The following PDE1C variants were observed in gnomAD, a reference collection of about 807,000 sequenced individuals.
The protein encoded by PDE1C is dual specificity calcium/calmodulin-dependent 3',5'-cyclic nucleotide phosphodiesterase 1C.
PDE1C carries 62 observed loss-of-function variants against 93.1 expected under a neutral mutation model. That is an observed-to-expected ratio of 0.67 (90% CI 0.54 to 0.82). PDE1C has a LOEUF of 0.82. PDE1C is among the 40% of genes least tolerant of loss of function. The probability of loss-of-function intolerance (pLI) is 0.00; values close to 1 mark genes in which losing one functional copy is unlikely to be tolerated. For missense variants in PDE1C, 742 were observed against 884.6 expected, an observed-to-expected ratio of 0.84 and a Z score of 2.04; for synonymous variants, 325 against 310.1, an observed-to-expected ratio of 1.05 and a Z score of -0.50.
intron 1 of PDE1C, among the ~76,000 whole-genome samples, chr7:32,392,768 T>C (rs1438762662): frequency 6.6e-6 from 1 of 152,026 alleles, no homozygotes; most frequent in African/African-American, 2.4e-5. Context: ...CACATATATA[T>C]GGCCGAGCGT....
intron 5 of PDE1C, among the ~76,000 whole-genome samples, chr7:31,874,491 G>C (rs534338252): frequency 6.6e-6 from 1 of 152,278 alleles, no homozygotes; most frequent in South Asian, 2.1e-4. Flanking sequence ...TGGTTCTCAT[G>C]AGTGACTCTC....
chr7:32,187,124 T>G (rs1038282124), intron 2 of PDE1C, among the ~76,000 whole-genome samples: 2 of 152,064 alleles, frequency 1.3e-5, no homozygotes, highest in African/African-American at 4.8e-5. Context: ...TTTTCTTTTC[T>G]TCTTTCTTTC....
At chr7:32,363,215 G>A (rs1260841278) in intron 1 of PDE1C, among the ~76,000 whole-genome samples, 2 of 152,204 alleles carry the variant, frequency 1.3e-5, no homozygotes, top group Non-Finnish European at 2.9e-5. Context: ...GAACATCCTA[G>A]AACAAGCCAA....
chr7:32,139,890 TGACTGTGAGGA>T (rs1458903510), intron 3 of PDE1C, among the ~76,000 whole-genome samples: 1 of 145,624 alleles, frequency 6.9e-6, no homozygotes, highest in Admixed American at 6.9e-5. Flanking sequence ...AGCCATATTG[TGACTGTGAGGA>T]GAGCTGGTCT....
intron 3 of PDE1C, among the ~76,000 whole-genome samples, chr7:32,113,582 T>C (rs985994237): frequency 1.1e-4 from 17 of 151,938 alleles, no homozygotes; most frequent in South Asian, 4.1e-4. Context: ...TTTCTAATAC[T>C]GAACCATCTT....
At chr7:32,329,899 T>C (rs1004655160) in intron 1 of PDE1C, among the ~76,000 whole-genome samples, 1 of 152,246 alleles carries the variant, frequency 6.6e-6, no homozygotes, top group Non-Finnish European at 1.5e-5. Flanking sequence ...AGCTTCAGGC[T>C]TGGAGCCTGT....
chr7:31,727,697 T>C, the PDE1C span, among the ~76,000 whole-genome samples: 3 of 152,190 alleles, frequency 2.0e-5, no homozygotes, highest in African/African-American at 7.2e-5. Context: ...AACACAGCTT[T>C]CTTTAATTTT....
chr7:31,956,328 G>A (rs919816859), intron 2 of PDE1C, among the ~76,000 whole-genome samples: 6 of 151,952 alleles, frequency 3.9e-5, no homozygotes, highest in Non-Finnish European at 1.5e-5. Flanking sequence ...TCTTGACCTC[G>A]TGATCTGCCT....
chr7:32,023,124 C>T (rs1210895443), intron 2 of PDE1C, among the ~76,000 whole-genome samples: 1 of 151,934 alleles, frequency 6.6e-6, no homozygotes, highest in Non-Finnish European at 1.5e-5. Context: ...TGAGTTATTG[C>T]CTTTAAAGAA....
the PDE1C span, chr7:31,658,299 C>T: frequency 8.6e-6 from 12 of 1,388,542 alleles, no homozygotes; most frequent in South Asian, 2.8e-5. Flanking sequence ...AGCTGGATCC[C>T]TTTTTTTTTT....
intron 1 of PDE1C, among the ~76,000 whole-genome samples, chr7:32,335,071 A>T (rs1783591475): frequency 6.6e-6 from 1 of 152,214 alleles, no homozygotes; most frequent in Admixed American, 6.5e-5. Flanking sequence ...AATATTTACG[A>T]ACATCATGTA....
At chr7:31,980,199 G>A (rs76681275) in intron 2 of PDE1C, among the ~76,000 whole-genome samples, 2,512 of 152,282 alleles carry the variant, frequency 0.016, 70 homozygotes, top group African/African-American at 0.057. Context: ...AGCGGGCCAG[G>A]TCCACTTTAT....
chr7:31,879,934 T>C (rs536324890), intron 3 of PDE1C, among the ~76,000 whole-genome samples: 40 of 152,156 alleles, frequency 2.6e-4, no homozygotes, highest in African/African-American at 9.2e-4. Flanking sequence ...GACTTACCAA[T>C]TGGGGTGGAG....
At chr7:31,620,619 T>G in the PDE1C span, among the ~76,000 whole-genome samples, 1 of 150,026 alleles carries the variant, frequency 6.7e-6, no homozygotes, top group South Asian at 2.1e-4. Flanking sequence ...TACATCACCA[T>G]CATCAAAGAC....
chr7:32,067,118 A>C lies in PDE1C; in HGVS notation c.101+3175T>G, dbSNP rs369405875. 9.2e-5 allele frequency among the ~76,000 whole-genome samples: 14 copies of C among 151,646 alleles called. No individual in the cohort carries two copies. The East Asian group carries it at 2.3e-3, about 25-fold the overall frequency. ...GACACCTGGGCTTGCAGGTGTCTAT[A>C]ATCCCAGCTAAGATAGAGTGTTTAA... On this transcript the variant is annotated intron_variant, in intron 1 of 17. Coordinates refer to ENST00000396191, the MANE Select transcript of PDE1C (RefSeq NM_001191057.4).
In PDE1C at chr7:32,079,129, A is replaced by G. The variant is rs1207824785; in HGVS notation, c.308+90656T>C. ...ATTCTTTTCTCTGTATCTGGAGGGA[A>G]ATGATCTCACAAAACAAATAAATGC... is the stretch of plus-strand genomic sequence containing the variant. On this transcript the variant is annotated intron_variant, in intron 3 of 18. Coordinates refer to the PDE1C transcript ENST00000396193. Among the ~76,000 whole-genome samples, 6 of 152,332 alleles carry G rather than the reference A, an allele frequency of 3.9e-5. No homozygotes were observed. In the East Asian group the frequency reaches 1.2e-3, roughly 29 times the overall value.
chr7:31,881,943 C>A lies in PDE1C; in HGVS notation c.129-1083G>T, dbSNP rs1797306326. Reference sequence around the variant, plus strand: ...CTAGCAAGATATTTAAAATGATTGTCAAATCTCCACTTCCCGTTGGTATAC... The same window carrying A: ...CTAGCAAGATATTTAAAATGATTGTAAAATCTCCACTTCCCGTTGGTATAC... On this transcript the variant is annotated intron_variant, in intron 2 of 17. Transcript: ENST00000396191. Among the ~76,000 whole-genome samples, 3 of 152,146 alleles carry A rather than the reference C, an allele frequency of 2.0e-5. No individual in the cohort carries two copies. The South Asian group carries it at 6.2e-4, about 32-fold the overall frequency.
At chr7:31,948,300 T>C (rs776122898) in intron 2 of PDE1C, among the ~76,000 whole-genome samples, 23 of 152,342 alleles carry the variant, frequency 1.5e-4, no homozygotes, top group East Asian at 3.9e-4. Context: ...AACTCTCTTA[T>C]GTGGTAAACA....
At chr7:32,055,557 TAAAAC>T (rs1315714446) in intron 1 of PDE1C, among the ~76,000 whole-genome samples, 1 of 152,056 alleles carries the variant, frequency 6.6e-6, no homozygotes, top group Non-Finnish European at 1.5e-5. Flanking sequence ...AGACACTAGA[TAAAAC>T]CAAAATAAAA....
Sources: gnomAD v4.1 joint callset for allele counts (sites outside exome capture counted in the v4.1 genomes callset) on GRCh38, gnomAD v4.1.1 for gene constraint, MANE v1.5 for transcripts, NCBI Gene and HGNC (gene_info 2026-07-23, HGNC 2026-07-21) for gene names.